EXOC6B: variants seen among roughly 807,000 people sequenced by gnomAD.
EXOC6B encodes SEC15 homolog B.
Under a neutral mutation model 113.5 loss-of-function variants are expected in EXOC6B, and 54 were observed. That is an observed-to-expected ratio of 0.48 (90% CI 0.38 to 0.60). The LOEUF (loss-of-function observed/expected upper bound fraction) is 0.60. Ranked by LOEUF, EXOC6B falls within the 20% of genes least tolerant of loss-of-function variation. The pLI is 0.00. For missense variants in EXOC6B, 797 were observed against 977.5 expected (o/e 0.82, Z 2.46); for synonymous variants, 357 against 339.0 (o/e 1.05, Z -0.58).
chr2:72,274,643 C>T (rs1385437658), intron 20 of EXOC6B, among the ~76,000 whole-genome samples: 2 of 152,116 alleles, frequency 1.3e-5, no homozygotes, highest in African/African-American at 4.8e-5. Flanking sequence ...AAAACTTCAG[C>T]GTCACTTATA....
At chr2:72,241,226 G>A (rs1251060981) in intron 20 of EXOC6B, among the ~76,000 whole-genome samples, 3 of 152,168 alleles carry the variant, frequency 2.0e-5, no homozygotes, top group African/African-American at 7.2e-5. Flanking sequence ...CACTGTAACA[G>A]AAATGTAGAA....
At chr2:72,546,681 A>G (rs1702922718) in intron 8 of EXOC6B, among the ~76,000 whole-genome samples, 1 of 152,232 alleles carries the variant, frequency 6.6e-6, no homozygotes, top group East Asian at 1.9e-4. Flanking sequence ...CAAAACTATT[A>G]GTTTAACTGG....
chr2:72,248,314 G>A (rs2104533781), intron 20 of EXOC6B, among the ~76,000 whole-genome samples: 1 of 152,142 alleles, frequency 6.6e-6, no homozygotes, highest in Admixed American at 6.6e-5. Flanking sequence ...AGGGATCTAG[G>A]TGTGATAAAT....
intron 6 of EXOC6B, among the ~76,000 whole-genome samples, chr2:72,656,264 T>G (rs1331246468): frequency 6.6e-6 from 1 of 152,080 alleles, no homozygotes; most frequent in Non-Finnish European, 1.5e-5. Flanking sequence ...GCATTTCAAA[T>G]TAGTAGGAAA....
Position 72,176,027 on chromosome 2 carries a change from T to C in EXOC6B, c.*3308A>G, listed in dbSNP as rs2104159637. 6.6e-6 allele frequency: 1 copy of C among 152,300 alleles called. No homozygotes were observed. The highest frequency in any genetic ancestry group is 2.1e-4 in the South Asian group (1 of 4,824). 9.4% of individuals were successfully genotyped at this position (152,300 alleles called of 1,614,324 possible). On this transcript the variant is annotated 3_prime_UTR_variant, in exon 22 of 22. Transcript: ENST00000272427. ...TGTAGGCTTTCTTGTTTAATAGCAGTTAAAAGAGGAAAATGTACAAGAGGA... is the reference window on the plus strand; with the variant it reads ...TGTAGGCTTTCTTGTTTAATAGCAGCTAAAAGAGGAAAATGTACAAGAGGA...
At chr2:72,450,391 A>G (rs1255032554) in intron 18 of EXOC6B, among the ~76,000 whole-genome samples, 1 of 152,242 alleles carries the variant, frequency 6.6e-6, no homozygotes, top group Non-Finnish European at 1.5e-5. Flanking sequence ...CCTGAAAGAC[A>G]GAGGTCACAT....
At chr2:72,466,344 CAA>C (rs551509210) in intron 17 of EXOC6B, among the ~76,000 whole-genome samples, 30 of 82,256 alleles carry the variant, frequency 3.6e-4, no homozygotes, top group Non-Finnish European at 4.0e-4. Context: ...GACTCCACCT[CAA>C]AAAAAAAAAA....
chr2:72,243,957 A>G (rs1682491768), intron 20 of EXOC6B, among the ~76,000 whole-genome samples: 1 of 152,242 alleles, frequency 6.6e-6, no homozygotes, highest in South Asian at 2.1e-4. Flanking sequence ...TATTATAGTT[A>G]GAGGCTTCAA....
chr2:72,460,909 G>A (rs1474498295), intron 18 of EXOC6B, among the ~76,000 whole-genome samples: 18 of 151,130 alleles, frequency 1.2e-4, no homozygotes, highest in East Asian at 7.8e-4. Flanking sequence ...ACATGCACAC[G>A]TATGTTTATT....
intron 6 of EXOC6B, among the ~76,000 whole-genome samples, chr2:72,675,926 C>T (rs186825457): frequency 2.6e-4 from 39 of 152,068 alleles, no homozygotes; most frequent in African/African-American, 9.2e-4. Flanking sequence ...CTAATACCTC[C>T]CTGGCACTTG....
In EXOC6B at chr2:72,513,921, T is replaced by C. The variant is rs536324864; in HGVS notation, c.1047-669A>G. Among the ~76,000 whole-genome samples the C allele has an allele frequency of 7.2e-5, 11 of 152,198 alleles. No homozygotes were observed. In the East Asian group the frequency reaches 1.7e-3, roughly 24 times the overall value. ...TATATTTTAATAACTACTAATTACATTGAAACAATTTAAATCTGAAAAAAA... is the reference window on the plus strand; with the variant it reads ...TATATTTTAATAACTACTAATTACACTGAAACAATTTAAATCTGAAAAAAA... On this transcript the variant is annotated intron_variant, in intron 10 of 21. Transcript: ENST00000272427.
At chr2:72,371,597 TC>T (rs1488813847) in intron 19 of EXOC6B, among the ~76,000 whole-genome samples, 7 of 152,118 alleles carry the variant, frequency 4.6e-5, no homozygotes, top group African/African-American at 1.7e-4. Context: ...ATATGATCAT[TC>T]CAACTGATGC....
At chr2:72,423,145 C>T (rs1047537215) in intron 18 of EXOC6B, among the ~76,000 whole-genome samples, 4 of 151,978 alleles carry the variant, frequency 2.6e-5, no homozygotes, top group Admixed American at 1.3e-4. Context: ...ACGAGCCCAC[C>T]GGGAGGAACG....
At chr2:72,410,967 G>T (rs932872676) in intron 18 of EXOC6B, among the ~76,000 whole-genome samples, 4 of 152,152 alleles carry the variant, frequency 2.6e-5, no homozygotes, top group Non-Finnish European at 5.9e-5. Context: ...CCAGTACTTT[G>T]GGAGGCCAAG....
chr2:72,647,783 G>T (rs578187042), intron 6 of EXOC6B, among the ~76,000 whole-genome samples: 1 of 152,270 alleles, frequency 6.6e-6, no homozygotes. Flanking sequence ...ATTAATTCAA[G>T]ATGGATTAAA....
chr2:72,417,163 AAC>A (rs1694575138), intron 18 of EXOC6B, among the ~76,000 whole-genome samples: 1 of 152,178 alleles, frequency 6.6e-6, no homozygotes, highest in Non-Finnish European at 1.5e-5. Flanking sequence ...TGGTTTATAA[AAC>A]AGTTTCAATT....
At chr2:72,335,315 C>G (rs1688631285) in intron 19 of EXOC6B, 2 of 263,598 alleles carry the variant, frequency 7.6e-6, no homozygotes, top group Non-Finnish European at 1.4e-5. Context: ...AAACAACTTG[C>G]AAAGGAGGAG....
chr2:72,262,710 T>C (rs1437796182), intron 20 of EXOC6B, among the ~76,000 whole-genome samples: 1 of 152,212 alleles, frequency 6.6e-6, no homozygotes, highest in Non-Finnish European at 1.5e-5. Flanking sequence ...GGTTTCATAC[T>C]GGTTGAGATT....
At chr2:72,510,928 T>C (rs980369152) in intron 11 of EXOC6B, among the ~76,000 whole-genome samples, 2 of 151,950 alleles carry the variant, frequency 1.3e-5, no homozygotes, top group African/African-American at 4.8e-5. Context: ...AAAAATCTAA[T>C]TATAAAATAG....
Sources: gnomAD v4.1 joint callset for allele counts (sites outside exome capture counted in the v4.1 genomes callset) on GRCh38, gnomAD v4.1.1 for gene constraint, MANE v1.5 for transcripts, NCBI Gene and HGNC (gene_info 2026-07-23, HGNC 2026-07-21) for gene names.